EPHB2: variants seen among roughly 807,000 people sequenced by gnomAD.
EPHB2 encodes the protein ephrin type-B receptor 2.
EPHB2 carries 18 observed loss-of-function variants against 96.4 expected under a neutral mutation model. The ratio of observed to expected loss-of-function variants is 0.19; its 90% CI spans 0.13 to 0.28. EPHB2 has a LOEUF of 0.28. EPHB2 is among the 10% of genes least tolerant of loss of function. EPHB2 has a pLI of 1.00. For synonymous variants in EPHB2, 506 were observed against 534.1 expected, an observed-to-expected ratio of 0.95 and a Z score of 0.72; for missense variants, 989 against 1,355.4, an observed-to-expected ratio of 0.73 and a Z score of 4.25.
chr1:22,780,631 G>C (rs1362897116), intron 1 of EPHB2, among the ~76,000 whole-genome samples: 2 of 152,222 alleles, frequency 1.3e-5, no homozygotes, highest in Non-Finnish European at 2.9e-5. Context: ...GTTCGTTTTT[G>C]AGAGTTTGAT....
intron 3 of EPHB2, among the ~76,000 whole-genome samples, chr1:22,802,878 C>T (rs1467951535): frequency 3.3e-5 from 5 of 152,290 alleles, no homozygotes; most frequent in South Asian, 2.1e-4. Flanking sequence ...TGGGATCTGC[C>T]ATGGCCTCTG....
chr1:22,731,285 A>G (rs779668090), intron 1 of EPHB2, among the ~76,000 whole-genome samples: 44 of 151,826 alleles, frequency 2.9e-4, no homozygotes, highest in Admixed American at 1.0e-3. Context: ...GCCCAAATCC[A>G]CCCCCATCAG....
chr1:22,795,359 C>G (rs1254031988), intron 3 of EPHB2, among the ~76,000 whole-genome samples: 1 of 152,206 alleles, frequency 6.6e-6, no homozygotes, highest in East Asian at 1.9e-4. Flanking sequence ...TCGGAGGTGG[C>G]TCGCCCAGGC....
intron 7 of EPHB2, among the ~76,000 whole-genome samples, chr1:22,894,749 G>A (rs1169000618): frequency 6.6e-6 from 1 of 152,118 alleles, no homozygotes; most frequent in Admixed American, 6.5e-5. Context: ...GCAGACCTGG[G>A]TTCAAATGCC....
chr1:22,712,905 G>A (rs575775178), intron 1 of EPHB2, among the ~76,000 whole-genome samples: 2 of 152,194 alleles, frequency 1.3e-5, no homozygotes, highest in African/African-American at 4.8e-5. Flanking sequence ...CGGTGCTGGA[G>A]GGGAAGAAAA....
chr1:22,883,789 G>A (rs309483), intron 6 of EPHB2, among the ~76,000 whole-genome samples: 72,256 of 151,948 alleles, frequency 0.48, 17,599 homozygotes, highest in Non-Finnish European at 0.5. Context: ...TGTTCATCCC[G>A]TCCCCTAGGC....
chr1:22,909,108 C>T lies in EPHB2; in HGVS notation c.2439C>T (p.Gly813=), dbSNP rs760748212. 4 of 1,614,212 alleles carry T rather than the reference C, an allele frequency of 2.5e-6. No individual in the cohort carries two copies. In the East Asian group the frequency reaches 8.9e-5, roughly 36 times the overall value. Residue 813 remains glycine, a synonymous_variant, in exon 13 of 16, where the codon GGC becomes GGT. Transcript: ENST00000374630. ...CGGCCAGTGATGTGTGGAGCTACGGCATTGTCATGTGGGAGGTGATGTCCT... is the reference window on the plus strand; with the variant it reads ...CGGCCAGTGATGTGTGGAGCTACGGTATTGTCATGTGGGAGGTGATGTCCT... ...FTSASDVWSY[G]IVMWEVMSYG... is the part of the protein sequence containing the mutation.
intron 1 of EPHB2, among the ~76,000 whole-genome samples, chr1:22,771,246 G>A (rs745328223): frequency 3.5e-4 from 53 of 152,194 alleles, no homozygotes; most frequent in Non-Finnish European, 6.5e-4. Context: ...TGCAGGACAA[G>A]GTGACAAGTA....
At chr1:22,804,500 G>A (rs956218663) in intron 3 of EPHB2, among the ~76,000 whole-genome samples, 3 of 152,130 alleles carry the variant, frequency 2.0e-5, no homozygotes, top group African/African-American at 4.8e-5. Flanking sequence ...GCCTGAAAGC[G>A]CACGCTCACA....
At chr1:22,838,658 G>A (rs562910175) in intron 3 of EPHB2, among the ~76,000 whole-genome samples, 3 of 152,328 alleles carry the variant, frequency 2.0e-5, no homozygotes, top group South Asian at 2.1e-4. Flanking sequence ...GGCCAGGTGC[G>A]TGGCTCACGC....
At position 22,902,425 on chromosome 1, in the gene EPHB2, A is replaced by G. The variant is rs534038115; in HGVS notation, c.1766-3562A>G. Among the ~76,000 whole-genome samples, 27 of 152,368 alleles carry G rather than the reference A, an allele frequency of 1.8e-4. No homozygotes were observed. In the South Asian group the frequency reaches 3.7e-3, roughly 21 times the overall value. On this transcript the variant is annotated intron_variant, in intron 9 of 15. Coordinates refer to ENST00000374630, the MANE Select transcript of EPHB2 (RefSeq NM_017449.5). Reference sequence around the variant, plus strand: ...TTCACATAAGTACTCCAGAGCCAACATTCTAAAGCAAGGGCTTATAGCTTT... The same window carrying G: ...TTCACATAAGTACTCCAGAGCCAACGTTCTAAAGCAAGGGCTTATAGCTTT...
intron 5 of EPHB2, among the ~76,000 whole-genome samples, chr1:22,867,881 GA>G (rs376845540): frequency 1.7e-4 from 25 of 150,948 alleles, no homozygotes; most frequent in Admixed American, 1.4e-3. Context: ...CGAAGAAGAA[GA>G]AAAAAAAAGT....
chr1:22,764,405 A>G (rs1042004959), intron 1 of EPHB2, among the ~76,000 whole-genome samples: 1 of 152,176 alleles, frequency 6.6e-6, no homozygotes, highest in African/African-American at 2.4e-5. Flanking sequence ...CAGAAAGGGA[A>G]GCTCAAGACT....
Position 22,784,747 on chromosome 1 carries a change from C to A in EPHB2, c.482C>A (p.Thr161Asn). 1 of 1,612,528 alleles carries A rather than the reference C, an allele frequency of 6.2e-7. No homozygotes were observed. The highest frequency in any genetic ancestry group is 1.1e-5 in the South Asian group (1 of 91,034). ...GGTGGCCGCGTCATGAAAATCAACA[C>A]CGAGGTGCGGAGCTTCGGACCTGTG... is the stretch of plus-strand genomic sequence containing the variant. ...DLGGRVMKIN[T>N]EVRSFGPVSR... Residue 161 changes from threonine (T) to asparagine (N), a missense_variant, in exon 3 of 16, where the codon ACC (threonine) becomes AAC (asparagine). By Grantham distance (65) the Thr-to-Asn change is moderately conservative. Coordinates refer to ENST00000374630, the MANE Select transcript of EPHB2 (RefSeq NM_017449.5). The surrounding 1 kb of genome is among the most constrained non-coding windows in gnomAD (Gnocchi z 5.1).
intron 3 of EPHB2, among the ~76,000 whole-genome samples, chr1:22,834,226 C>G (rs932731720): frequency 6.6e-6 from 1 of 152,104 alleles, no homozygotes; most frequent in Non-Finnish European, 1.5e-5. Context: ...CTTTTTCCCC[C>G]TCAGATTTAC....
intron 1 of EPHB2, among the ~76,000 whole-genome samples, chr1:22,741,808 T>C (rs1042770884): frequency 2.6e-5 from 4 of 152,010 alleles, no homozygotes; most frequent in African/African-American, 9.7e-5. Flanking sequence ...GGGCCTGTTG[T>C]CTTACATGCC....
chr1:22,745,868 C>T (rs770008561), intron 1 of EPHB2, among the ~76,000 whole-genome samples: 23 of 152,156 alleles, frequency 1.5e-4, no homozygotes, highest in South Asian at 1.5e-3. Context: ...GCCTAGCCGA[C>T]GCTGCTCTGG....
chr1:22,872,143 A>G (rs892403487), intron 5 of EPHB2, among the ~76,000 whole-genome samples: 4 of 152,236 alleles, frequency 2.6e-5, no homozygotes, highest in Admixed American at 6.5e-5. Context: ...GCAGAATTCA[A>G]TTCCACGTGG....
rs751794923 is a variant in EPHB2 at position 22,895,458 on chromosome 1, T to C, written c.1592-14T>C. 1 of 1,613,108 alleles carries C rather than the reference T, an allele frequency of 6.2e-7. No homozygotes were observed. The highest frequency in any genetic ancestry group is 8.5e-7 in the Non-Finnish European group (1 of 1,179,060). ...CAGCCAGGCTGAGAATGCCCTACCATGCTTTCTCCCCAGCCGAGTACCAGA... is the reference window on the plus strand; with the variant it reads ...CAGCCAGGCTGAGAATGCCCTACCACGCTTTCTCCCCAGCCGAGTACCAGA... On this transcript the variant is annotated splice_polypyrimidine_tract_variant and intron_variant, in intron 7 of 15. Transcript: ENST00000374630.
Sources: gnomAD v4.1 joint callset for allele counts (sites outside exome capture counted in the v4.1 genomes callset) on GRCh38, gnomAD v4.1.1 for gene constraint, Gnocchi (gnomAD v3.1) non-coding constraint, MANE v1.5 for transcripts, NCBI Gene and HGNC (gene_info 2026-07-23, HGNC 2026-07-21) for gene names.